CARMIL1: variants seen among roughly 807,000 people sequenced by gnomAD.
CARMIL1 encodes the protein F-actin-uncapping protein LRRC16A.
In CARMIL1, 90 loss-of-function variants were observed where a neutral mutation model predicts 177.1. The observed-to-expected ratio is 0.51, with a 90% CI of 0.43 to 0.61. CARMIL1 has a LOEUF of 0.61. Ranked by LOEUF, CARMIL1 falls within the 20% of genes least tolerant of loss-of-function variation. The probability of loss-of-function intolerance (pLI) is 0.00; values close to 1 mark genes in which losing one functional copy is unlikely to be tolerated. For missense variants in CARMIL1, 1,380 were observed against 1,667.0 expected (o/e 0.83, Z 3.00); for synonymous variants, 577 against 606.2 (o/e 0.95, Z 0.71).
intron 2 of CARMIL1, among the ~76,000 whole-genome samples, chr6:25,340,777 G>GTTTTTTTTTTTTTTTTTTTTTT (rs34928775): frequency 1.2e-5 from 1 of 86,136 alleles, no homozygotes; most frequent in Admixed American, 1.5e-4. Context: ...GTCAATGAAG[G>GTTTTTTTTTTTTTTTTTTTTTT]TTTTTTTTTT....
At chr6:25,322,340 C>G (rs554065884) in intron 2 of CARMIL1, among the ~76,000 whole-genome samples, 101 of 152,116 alleles carry the variant, frequency 6.6e-4, no homozygotes, top group Admixed American at 3.6e-3. Context: ...CCAGGCTAGT[C>G]TCAAACTCCT....
chr6:25,315,142 C>T (rs568672661), intron 2 of CARMIL1, among the ~76,000 whole-genome samples: 1 of 152,204 alleles, frequency 6.6e-6, no homozygotes, highest in South Asian at 2.1e-4. Flanking sequence ...AGGTGTCCTC[C>T]CAAAGTTGCA....
intron 8 of CARMIL1, among the ~76,000 whole-genome samples, chr6:25,451,513 A>G (rs191509332): frequency 6.6e-6 from 1 of 152,310 alleles, no homozygotes; most frequent in Admixed American, 6.5e-5. Flanking sequence ...ACCTGTTACA[A>G]GTTATTTGAG....
At chr6:25,480,367 G>A (rs1562195237) in intron 11 of CARMIL1, among the ~76,000 whole-genome samples, 1 of 151,880 alleles carries the variant, frequency 6.6e-6, no homozygotes, top group Non-Finnish European at 1.5e-5. Flanking sequence ...GTTAATCAGA[G>A]CATAGATTTA....
intron 2 of CARMIL1, among the ~76,000 whole-genome samples, chr6:25,414,065 G>A (rs960489210): frequency 6.6e-6 from 1 of 152,146 alleles, no homozygotes; most frequent in African/African-American, 2.4e-5. Flanking sequence ...AGGTTCTGGG[G>A]TAGGGCTTTA....
chr6:25,468,479 T>C (rs1358727878), intron 9 of CARMIL1, among the ~76,000 whole-genome samples: 1 of 152,250 alleles, frequency 6.6e-6, no homozygotes, highest in East Asian at 1.9e-4. Context: ...TTTTTGTTGT[T>C]TACATTCCAT....
intron 2 of CARMIL1, among the ~76,000 whole-genome samples, chr6:25,292,608 CTCA>C (rs1452703916): frequency 1.3e-5 from 2 of 152,184 alleles, no homozygotes; most frequent in East Asian, 3.9e-4. Flanking sequence ...CTACTCTCTC[CTCA>C]TCTGCAACTG....
In CARMIL1 at chr6:25,520,318, C is replaced by T. The variant is rs1806418324; in HGVS notation, c.1949C>T (p.Thr650Ile). ...SQALKTNPEK[T>I]EDALQKIENY... Reference sequence around the variant, plus strand: ...GCCCTAAAAACAAACCCTGAAAAAACAGAAGACGCTCTGCAAAAGGTATTA... The same window carrying T: ...GCCCTAAAAACAAACCCTGAAAAAATAGAAGACGCTCTGCAAAAGGTATTA... The change falls in exon 23 of 37, where the codon ACA becomes ATA. Residue 650 changes from threonine to isoleucine, a missense_variant. Coordinates refer to ENST00000329474, the MANE Select transcript of CARMIL1 (RefSeq NM_017640.6). 6 of 1,550,468 alleles carry T rather than the reference C, an allele frequency of 3.9e-6. No homozygotes were observed. The highest frequency in any genetic ancestry group is 5.2e-6 in the Non-Finnish European group (6 of 1,143,418).
chr6:25,604,469 G>C (rs906769805), intron 33 of CARMIL1, among the ~76,000 whole-genome samples: 1 of 152,114 alleles, frequency 6.6e-6, no homozygotes, highest in African/African-American at 2.4e-5. Flanking sequence ...AGCATCAGGG[G>C]CTGCAGAGCC....
rs924446399 is a variant in CARMIL1 at position 25,326,030 on chromosome 6, C to T, written c.138+41121C>T. Reference sequence around the variant, plus strand: ...GACTACAGGCGCGCACCAGCTCGCCCGGCTAATTTTTTGTATTTTAGTAGA... The same window carrying T: ...GACTACAGGCGCGCACCAGCTCGCCTGGCTAATTTTTTGTATTTTAGTAGA... On this transcript the variant is annotated intron_variant, in intron 2 of 36. Transcript: ENST00000329474. The surrounding 1 kb of genome is among the most constrained non-coding windows in gnomAD (Gnocchi z 4.2). Among the ~76,000 whole-genome samples the T allele has an allele frequency of 9.2e-5, 14 of 152,056 alleles. No homozygotes were observed. In the East Asian group the frequency reaches 9.6e-4, roughly 10 times the overall value.
intron 29 of CARMIL1, among the ~76,000 whole-genome samples, chr6:25,571,295 C>T (rs570107918): frequency 6.6e-6 from 1 of 152,024 alleles, no homozygotes; most frequent in African/African-American, 2.4e-5. Flanking sequence ...AGCATAATGA[C>T]TAGTAATTTA....
chr6:25,459,266 C>CTTTCTTTCTTTTTTTCTT, intron 8 of CARMIL1, among the ~76,000 whole-genome samples: 1 of 73,754 alleles, frequency 1.4e-5, no homozygotes, highest in African/African-American at 4.9e-5. Flanking sequence ...TTCTTTCTTT[C>CTTTCTTTCTTTTTTTCTT]TTTTTTTTTT....
intron 35 of CARMIL1, among the ~76,000 whole-genome samples, chr6:25,607,953 G>T (rs946017157): frequency 6.6e-6 from 1 of 152,106 alleles, no homozygotes; most frequent in African/African-American, 2.4e-5. Context: ...TTATGATGGG[G>T]AACACAAAAA....
chr6:25,486,656 A>G (rs12661508), intron 12 of CARMIL1, among the ~76,000 whole-genome samples: 2 of 152,162 alleles, frequency 1.3e-5, no homozygotes, highest in East Asian at 1.9e-4. Flanking sequence ...ATAAGCCACC[A>G]TACGTTTCTC....
At chr6:25,586,482 G>A (rs1339966538) in intron 31 of CARMIL1, among the ~76,000 whole-genome samples, 1 of 148,086 alleles carries the variant, frequency 6.8e-6, no homozygotes, top group Admixed American at 6.7e-5. Flanking sequence ...TGGGCGGGTG[G>A]GCAGAGGGGC....
intron 2 of CARMIL1, among the ~76,000 whole-genome samples, chr6:25,298,378 C>T (rs570043317): frequency 5.9e-4 from 90 of 152,294 alleles, no homozygotes; most frequent in African/African-American, 2.0e-3. Context: ...CTATTTTAAG[C>T]CAGTACAGAC....
At chr6:25,599,412 T>G (rs942176694) in intron 32 of CARMIL1, among the ~76,000 whole-genome samples, 5 of 152,188 alleles carry the variant, frequency 3.3e-5, no homozygotes, top group African/African-American at 9.7e-5. Flanking sequence ...TATAAATCCT[T>G]TGTTATTATT....
intron 2 of CARMIL1, among the ~76,000 whole-genome samples, chr6:25,353,107 A>G (rs1347811326): frequency 6.6e-6 from 1 of 152,182 alleles, no homozygotes; most frequent in African/African-American, 2.4e-5. Flanking sequence ...TCAGGATATG[A>G]CAGCTGCTCT....
chr6:25,297,665 G>A (rs187875202), intron 2 of CARMIL1, among the ~76,000 whole-genome samples: 13 of 152,310 alleles, frequency 8.5e-5, no homozygotes, highest in Middle Eastern at 3.4e-3. Flanking sequence ...TTCCATTTAT[G>A]TGTTCTTTCT....
Sources: allele counts gnomAD v4.1 joint callset (sites outside exome capture counted in the v4.1 genomes callset), GRCh38; gene constraint gnomAD v4.1.1; non-coding constraint Gnocchi (gnomAD v3.1); transcripts MANE v1.5; gene names NCBI Gene and HGNC (gene_info 2026-07-23, HGNC 2026-07-21).